Variants in PDE7B observed in about 807,000 individuals in gnomAD.
The protein encoded by PDE7B is phosphodiesterase 7B.
PDE7B carries 29 observed loss-of-function variants against 56.2 expected under a neutral mutation model. The ratio of observed to expected loss-of-function variants is 0.52; its 90% confidence interval spans 0.38 to 0.70. The LOEUF (loss-of-function observed/expected upper bound fraction) is 0.70, where lower values mean the gene tolerates loss of function less well. Among genes scored for constraint, PDE7B ranks in the 30% least tolerant of loss-of-function variants. The pLI, the probability that PDE7B is intolerant of heterozygous loss-of-function variation, is 0.00. For synonymous variants in PDE7B, 197 were observed against 196.9 expected (o/e 1.00, Z 0.00); for missense variants, 490 against 565.0 (o/e 0.87, Z 1.35).
intron 2 of PDE7B, among the ~76,000 whole-genome samples, chr6:136,030,330 T>C (rs954198133): frequency 6.6e-6 from 1 of 152,272 alleles, no homozygotes; most frequent in African/African-American, 2.4e-5. Context: ...CACATGTCTC[T>C]TGCTTCTGGC....
At chr6:135,962,546 C>T (rs1264361612) in intron 2 of PDE7B, among the ~76,000 whole-genome samples, 12 of 151,940 alleles carry the variant, frequency 7.9e-5, no homozygotes, top group Non-Finnish European at 1.8e-4. Context: ...ATTCATTTTT[C>T]TAATAAAAGA....
chr6:136,014,278 T>A (rs1775939520), intron 2 of PDE7B, among the ~76,000 whole-genome samples: 1 of 152,246 alleles, frequency 6.6e-6, no homozygotes, highest in Non-Finnish European at 1.5e-5. Context: ...TCTTTGTCAA[T>A]ATTAACTTGT....
chr6:136,020,155 G>A (rs142370766), intron 2 of PDE7B, among the ~76,000 whole-genome samples: 47 of 152,254 alleles, frequency 3.1e-4, no homozygotes, highest in African/African-American at 1.1e-3. Flanking sequence ...ACCAGGTACT[G>A]TGACCTCATG....
At chr6:136,083,479 C>T (rs1352763583) in intron 2 of PDE7B, among the ~76,000 whole-genome samples, 3 of 152,050 alleles carry the variant, frequency 2.0e-5, no homozygotes, top group South Asian at 2.1e-4. Flanking sequence ...CTCAGAAAGA[C>T]GTAACAGAAG....
At chr6:136,143,627 A>G (rs1163182599) in intron 3 of PDE7B, among the ~76,000 whole-genome samples, 1 of 152,106 alleles carries the variant, frequency 6.6e-6, no homozygotes, top group Non-Finnish European at 1.5e-5. Context: ...GTGAAGAAAA[A>G]TAGGTAAGGA....
rs532027951 is a variant in PDE7B at position 136,063,888 on chromosome 6, T to C, written c.83-44843T>C. 1.6e-4 allele frequency among the ~76,000 whole-genome samples: 24 copies of C among 152,322 alleles called. No individual in the cohort carries two copies. In the South Asian group the frequency reaches 4.8e-3, roughly 30 times the overall value. ...CCATAGCACCTTCTAGCTTATGCTA[T>C]AGTTATTTTTCAATATTCCATATCT... On this transcript the variant is annotated intron_variant, in intron 2 of 12. Transcript: ENST00000308191.
At chr6:136,077,603 A>G (rs971527459) in intron 2 of PDE7B, among the ~76,000 whole-genome samples, 1 of 152,242 alleles carries the variant, frequency 6.6e-6, no homozygotes, top group Admixed American at 6.5e-5. Flanking sequence ...TGAAGCACAT[A>G]CTTCAGCATG....
At chr6:136,034,499 T>G (rs752289997) in intron 2 of PDE7B, 2 of 152,206 alleles carry the variant, frequency 1.3e-5, no homozygotes, top group Non-Finnish European at 2.9e-5. Context: ...TTTGAGTAAC[T>G]TAGTGCAGGG....
chr6:135,925,128 T>G (rs1774161385), intron 1 of PDE7B, among the ~76,000 whole-genome samples: 1 of 151,524 alleles, frequency 6.6e-6, no homozygotes, highest in African/African-American at 2.4e-5. Flanking sequence ...AAACAGAAGC[T>G]GAAAGAAAAG....
intron 8 of PDE7B, chr6:136,156,096 T>C (rs1400843586): frequency 7.8e-6 from 3 of 383,394 alleles, no homozygotes; most frequent in Non-Finnish European, 1.5e-5. Context: ...TCTTTTCCCA[T>C]CAGTAAATTT....
chr6:136,123,463 T>C (rs1181349627), intron 3 of PDE7B, among the ~76,000 whole-genome samples: 4 of 152,196 alleles, frequency 2.6e-5, no homozygotes, highest in African/African-American at 9.7e-5. Flanking sequence ...AACGTTCACA[T>C]AGAAAATCAT....
chr6:135,934,967 ATTTCTC>A (rs1774382473), intron 1 of PDE7B, among the ~76,000 whole-genome samples: 2 of 62,866 alleles, frequency 3.2e-5, no homozygotes, highest in Non-Finnish European at 6.0e-5. Flanking sequence ...TAATATATAT[ATTTCTC>A]TATATATTTT....
At chr6:136,155,023 T>C (rs1315714114) in intron 7 of PDE7B, among the ~76,000 whole-genome samples, 1 of 152,212 alleles carries the variant, frequency 6.6e-6, no homozygotes, top group African/African-American at 2.4e-5. Context: ...CTAAACATTG[T>C]ACTATGTCAT....
At chr6:136,058,666 CAT>C (rs1776781929) in intron 2 of PDE7B, among the ~76,000 whole-genome samples, 1 of 152,140 alleles carries the variant, frequency 6.6e-6, no homozygotes. Flanking sequence ...TATCAACACA[CAT>C]GTTAACTGGT....
At chr6:135,912,671 A>G (rs913259238) in intron 1 of PDE7B, among the ~76,000 whole-genome samples, 2 of 152,130 alleles carry the variant, frequency 1.3e-5, no homozygotes, top group Non-Finnish European at 1.5e-5. Flanking sequence ...AAAATGAGCA[A>G]CAGCTGAGAG....
chr6:135,895,995 T>G (rs1169957757), intron 1 of PDE7B, among the ~76,000 whole-genome samples: 1 of 152,176 alleles, frequency 6.6e-6, no homozygotes, highest in East Asian at 1.9e-4. Flanking sequence ...AATGGTGTCT[T>G]GAGAATGCCT....
At chr6:136,149,940 C>T (rs1285286636) in intron 5 of PDE7B, among the ~76,000 whole-genome samples, 1 of 152,056 alleles carries the variant, frequency 6.6e-6, no homozygotes, top group Non-Finnish European at 1.5e-5. Flanking sequence ...GGAAAGAAAA[C>T]TAGATCATGG....
At chr6:136,088,959 A>C (rs373539840) in intron 2 of PDE7B, among the ~76,000 whole-genome samples, 2 of 151,916 alleles carry the variant, frequency 1.3e-5, no homozygotes, top group Non-Finnish European at 2.9e-5. Flanking sequence ...CCTCTTCCTC[A>C]GGTTCCCATC....
intron 1 of PDE7B, among the ~76,000 whole-genome samples, chr6:135,899,502 T>A (rs1440956070): frequency 6.6e-6 from 1 of 151,452 alleles, no homozygotes; most frequent in East Asian, 1.9e-4. Context: ...CATTAAATAA[T>A]TTTGCTTAAA....
Sources: allele counts gnomAD v4.1 joint callset (sites outside exome capture counted in the v4.1 genomes callset), GRCh38; gene constraint gnomAD v4.1.1; transcripts MANE v1.5; gene names NCBI Gene and HGNC (gene_info 2026-07-23, HGNC 2026-07-21).